The following SLC13A3 variants were observed in gnomAD, a reference collection of about 807,000 sequenced individuals.
The protein encoded by SLC13A3 is Na(+)/dicarboxylate cotransporter 3.
SLC13A3 carries 40 observed loss-of-function variants against 59.0 expected under a neutral mutation model. The observed-to-expected ratio is 0.68, with a 90% CI of 0.53 to 0.88. The LOEUF (loss-of-function observed/expected upper bound fraction) is 0.88. SLC13A3 is among the 40% of genes least tolerant of loss of function. The pLI is 0.00. For missense variants in SLC13A3, 699 were observed against 783.2 expected (o/e 0.89, Z 1.28); for synonymous variants, 317 against 330.3 (o/e 0.96, Z 0.44).
chr20:46,672,843 A>C (rs2063101106), upstream of SLC13A3, among the ~76,000 whole-genome samples: 1 of 152,184 alleles, frequency 6.6e-6, no homozygotes, highest in African/African-American at 2.4e-5. Flanking sequence ...TCAAGGCACA[A>C]GACACATGAA....
chr20:46,605,700 C>T (rs1240798356), intron 3 of SLC13A3, among the ~76,000 whole-genome samples: 1 of 152,106 alleles, frequency 6.6e-6, no homozygotes, highest in Non-Finnish European at 1.5e-5. Flanking sequence ...TTGGATCTCC[C>T]ATCCCCTGAA....
chr20:46,631,606 T>G (rs1412408966), intron 1 of SLC13A3, among the ~76,000 whole-genome samples: 1 of 152,108 alleles, frequency 6.6e-6, no homozygotes, highest in Non-Finnish European at 1.5e-5. Flanking sequence ...AGTCCTAGCC[T>G]TGGTCCCCAA....
At chr20:46,652,482 C>T (rs888985396), upstream of SLC13A3, among the ~76,000 whole-genome samples, 2 of 151,742 alleles carry the variant, frequency 1.3e-5, no homozygotes, top group Admixed American at 6.6e-5. Flanking sequence ...CAACCTCTGC[C>T]TCCCGGGTTC....
chr20:46,600,313 G>GAAAGAGGGAAGGAA (rs1568929914), intron 3 of SLC13A3, among the ~76,000 whole-genome samples: 16 of 123,882 alleles, frequency 1.3e-4, no homozygotes, highest in African/African-American at 5.1e-4. Context: ...GAAAGAAAGA[G>GAAAGAGGGAAGGAA]GGAAGGAAGG....
chr20:46,562,793 G>A (rs943320503), intron 12 of SLC13A3, among the ~76,000 whole-genome samples: 1 of 151,998 alleles, frequency 6.6e-6, no homozygotes, highest in Non-Finnish European at 1.5e-5. Flanking sequence ...TCTCACTCTC[G>A]CTCTCTCTCC....
At chr20:46,615,679 G>C (rs144135108) in intron 1 of SLC13A3, among the ~76,000 whole-genome samples, 1 of 152,108 alleles carries the variant, frequency 6.6e-6, no homozygotes, top group Non-Finnish European at 1.5e-5. Flanking sequence ...ACTGAGATGG[G>C]GGAGACACAC....
At position 46,558,871 on chromosome 20, in the gene SLC13A3, G is replaced by A. The variant is rs1412384007; in HGVS notation, c.*1151C>T. The stretch of plus-strand genomic sequence containing the variant: ...CAGCAGACACTTCCTGAGGGCCTGA[G>A]CTCTTCACTGGGATGCCAGAATGCT... On this transcript the variant is annotated 3_prime_UTR_variant, in exon 13 of 13. Coordinates refer to ENST00000279027, the MANE Select transcript of SLC13A3 (RefSeq NM_022829.6). 1.3e-5 allele frequency: 2 copies of A among 151,928 alleles called. No homozygotes were observed. Among genetic ancestry groups the A allele is most frequent in the African/African-American group, 4.8e-5 (2 of 41,350 alleles). The allele number at this position is 151,928 out of a possible 1,614,324, so 9.4% of individuals were successfully genotyped here. A position where few individuals can be genotyped will look rare whatever the true frequency, so the allele number is the denominator to read the frequency against.
chr20:46,645,517 C>T (rs1036975708), intron 1 of SLC13A3, among the ~76,000 whole-genome samples: 5 of 152,222 alleles, frequency 3.3e-5, no homozygotes, highest in African/African-American at 9.6e-5. Flanking sequence ...AGACAAGACA[C>T]GCTTCCAGGC....
chr20:46,568,211 T>G (rs961489738), intron 10 of SLC13A3, among the ~76,000 whole-genome samples: 10 of 151,472 alleles, frequency 6.6e-5, no homozygotes, highest in Admixed American at 5.3e-4. Flanking sequence ...CTGGCTAACA[T>G]GGTGAAACCC....
intron 10 of SLC13A3, among the ~76,000 whole-genome samples, chr20:46,572,397 A>G (rs2062036862): frequency 6.6e-6 from 1 of 152,188 alleles, no homozygotes; most frequent in African/African-American, 2.4e-5. Flanking sequence ...AACTCCGGCC[A>G]GCTGCCCAGG....
At chr20:46,620,869 A>G (rs771722480) in intron 1 of SLC13A3, among the ~76,000 whole-genome samples, 7 of 152,216 alleles carry the variant, frequency 4.6e-5, no homozygotes, top group Non-Finnish European at 1.0e-4. Flanking sequence ...CAAGAGCAGA[A>G]CTGTCAATGG....
In SLC13A3 at chr20:46,596,195, GC is replaced by G. The variant is rs2122693900; in HGVS notation, c.755del (p.Gly252AlafsTer22). 1 of 1,614,050 alleles carries G rather than the reference GC, an allele frequency of 6.2e-7. No homozygotes were observed. The highest frequency in any genetic ancestry group is 1.3e-5 in the African/African-American group (1 of 75,018). ...ASIGGTATLT[G>X]TAPNLILLGQ... is the part of the protein sequence containing the mutation. ...CAAGCAGGATGAGGTTAGGGGCTGT[GC>G]CCGTGAGTGTGGCTGTGCCCCCAAT... is the stretch of plus-strand genomic sequence containing the variant. On this transcript the variant is annotated frameshift_variant, in exon 5 of 13. Coordinates refer to ENST00000279027, the MANE Select transcript of SLC13A3 (RefSeq NM_022829.6). LOFTEE classifies it high-confidence loss of function.
chr20:46,613,688 A>G lies in SLC13A3; in HGVS notation c.149T>C (p.Val50Ala), dbSNP rs771794971. 1.2e-6 allele frequency: 2 copies of G among 1,610,106 alleles called. No homozygotes were observed. The highest frequency in any genetic ancestry group is 1.7e-6 in the Non-Finnish European group (2 of 1,178,366). The change falls in exon 2 of 13, where the codon GTG becomes GCG. Residue 50 changes from valine (V) to alanine (A), a missense_variant. Coordinates refer to ENST00000279027, the MANE Select transcript of SLC13A3 (RefSeq NM_022829.6). ...RCLFVILLMA[V>A]YWCTEALPLS... is the part of the protein sequence containing the mutation. ...CGGCAGGGCCTCCGTGCACCAGTAC[A>G]CCGCCATGAGCAGGATGACAAACAA...
At chr20:46,607,801 C>T (rs2062450621) in intron 3 of SLC13A3, among the ~76,000 whole-genome samples, 1 of 152,168 alleles carries the variant, frequency 6.6e-6, no homozygotes, top group Admixed American at 6.5e-5. Context: ...TTCAAAATAC[C>T]AGAGCCACAG....
upstream of SLC13A3, among the ~76,000 whole-genome samples, chr20:46,674,029 A>G (rs57554305): frequency 0.084 from 12,805 of 152,214 alleles, 903 homozygotes; most frequent in African/African-American, 0.19. Context: ...TGAAATACAC[A>G]GCATGTCACG....
rs149805565 is a variant in SLC13A3, at chr20:46,630,931, G to A, written c.112-17206C>T. ...ATCATACCATCTCCCTTGGAGAGAT[G>A]GTTATTAATATAAGGTAACCACTGA... On this transcript the variant is annotated intron_variant, in intron 1 of 12. Coordinates refer to ENST00000279027, the MANE Select transcript of SLC13A3 (RefSeq NM_022829.6). 1.9e-3 allele frequency among the ~76,000 whole-genome samples: 294 copies of A among 152,252 alleles called. 1 individual carries two copies. Among genetic ancestry groups the A allele is most frequent in the African/African-American group, 6.8e-3 (281 of 41,538 alleles).
rs1306773415 is a variant in SLC13A3 at position 46,585,813 on chromosome 20, T to C, written c.1122-2144A>G. ...GTAAGAGCAACAAGAGCTTCATGGC[T>C]TCATGAAATTATATTGTTTCTTGCT... On this transcript the variant is annotated intron_variant, in intron 8 of 12. Transcript: ENST00000279027. 6.3e-6 allele frequency: 8 copies of C among 1,260,458 alleles called. No homozygotes were observed. In the Admixed American group the frequency reaches 2.4e-4, roughly 37 times the overall value. The allele number at this position is 1,260,458 out of a possible 1,614,324, so 78.1% of individuals were successfully genotyped here.
chr20:46,583,335 G>A (rs1049346871), intron 9 of SLC13A3: 3 of 1,169,618 alleles, frequency 2.6e-6, no homozygotes, highest in Admixed American at 7.9e-5. Flanking sequence ...CTCACAGGCT[G>A]TTCAAAAACA....
intron 1 of SLC13A3, among the ~76,000 whole-genome samples, chr20:46,644,942 C>G (rs2062880014): frequency 6.6e-6 from 1 of 152,130 alleles, no homozygotes; most frequent in Non-Finnish European, 1.5e-5. Context: ...AACAAATGAC[C>G]CCAAATGGAG....
Sources: allele counts gnomAD v4.1 joint callset (sites outside exome capture counted in the v4.1 genomes callset), GRCh38; gene constraint gnomAD v4.1.1; transcripts MANE v1.5; gene names NCBI Gene and HGNC (gene_info 2026-07-23, HGNC 2026-07-21).